Variants in PIEZO2 observed in about 807,000 individuals in gnomAD.
PIEZO2 encodes the protein piezo-type mechanosensitive ion channel component 2.
In PIEZO2, 172 loss-of-function variants were observed where a neutral mutation model predicts 337.3. The ratio of observed to expected loss-of-function variants is 0.51; its 90% CI spans 0.45 to 0.58. The LOEUF (loss-of-function observed/expected upper bound fraction) is 0.58. Ranked by LOEUF, PIEZO2 falls within the 20% of genes least tolerant of loss-of-function variation. The pLI is 0.00. For missense variants in PIEZO2, 3,028 were observed against 3,391.3 expected, an observed-to-expected ratio of 0.89 and a Z score of 2.66; for synonymous variants, 1,251 against 1,228.5, an observed-to-expected ratio of 1.02 and a Z score of -0.38.
At chr18:10,938,469 C>T (rs2032524305) in intron 3 of PIEZO2, among the ~76,000 whole-genome samples, 1 of 152,186 alleles carries the variant, frequency 6.6e-6, no homozygotes, top group Non-Finnish European at 1.5e-5. Context: ...AGGAAAGGCT[C>T]ATAAATCAGT....
At chr18:11,108,729 T>G (rs1456732810) in intron 1 of PIEZO2, among the ~76,000 whole-genome samples, 1 of 151,840 alleles carries the variant, frequency 6.6e-6, no homozygotes, top group East Asian at 1.9e-4. Context: ...GTGGTGGGTC[T>G]GGTCTGTCTC....
chr18:10,791,926 C>T (rs1038706618), intron 13 of PIEZO2, among the ~76,000 whole-genome samples: 13 of 152,120 alleles, frequency 8.5e-5, no homozygotes, highest in Non-Finnish European at 1.9e-4. Flanking sequence ...AAATACAGTA[C>T]CTAACACACA....
chr18:11,076,056 G>C (rs1278051792), intron 1 of PIEZO2, among the ~76,000 whole-genome samples: 3 of 152,086 alleles, frequency 2.0e-5, no homozygotes, highest in Non-Finnish European at 4.4e-5. Flanking sequence ...AAAGTGCTGG[G>C]ATTACAGGCG....
intron 5 of PIEZO2, among the ~76,000 whole-genome samples, chr18:10,857,677 A>G (rs1306016895): frequency 1.3e-5 from 2 of 152,216 alleles, no homozygotes. Context: ...TTTGTTCACT[A>G]TTTCCATATT....
chr18:10,726,685 A>G lies in PIEZO2; in HGVS notation c.5029+4722T>C. ...AGACACCTCGCTGCCAAGTTAATTC[A>G]GCAAGGACCAGGTGTACCTGAACGG... On this transcript the variant is annotated intron_variant, in intron 36 of 55. Transcript: ENST00000674853. This position sits in a 1 kb window ranked among gnomAD's most constrained non-coding sequence, Gnocchi z 5.9. 7.0e-7 allele frequency: 1 copy of G among 1,424,726 alleles called. No individual in the cohort carries two copies. Among genetic ancestry groups the G allele is most frequent in the Non-Finnish European group, 9.7e-7 (1 of 1,030,216 alleles). 88.3% of individuals were successfully genotyped at this position (1,424,726 alleles called of 1,614,324 possible).
chr18:10,784,798 G>A lies in PIEZO2; in HGVS notation c.2478C>T (p.Asp826=). The change falls in exon 17 of 56, where the codon GAC becomes GAT. Residue 826 remains aspartate, a synonymous_variant. Coordinates refer to ENST00000674853, the MANE Select transcript of PIEZO2 (RefSeq NM_001378183.1). This position sits in a 1 kb window ranked among gnomAD's most constrained non-coding sequence, Gnocchi z 4.5. ...CAGTGGCTCACCTGTAGATGGTGTTGTCTTCTTTGCTGGGAATGGACTTGA... is the reference window on the plus strand; with the variant it reads ...CAGTGGCTCACCTGTAGATGGTGTTATCTTCTTTGCTGGGAATGGACTTGA... ...TDLKSIPSKE[D]NTIYSHAKVN... 6.5e-7 allele frequency: 1 copy of A among 1,536,920 alleles called. No homozygotes were observed. Among genetic ancestry groups the A allele is most frequent in the East Asian group, 2.4e-5 (1 of 40,888 alleles).
Position 10,993,019 on chromosome 18 carries a change from G to GCTGTTTGT in PIEZO2, c.161-13367_161-13360dup, listed in dbSNP as rs1464831010. Among the ~76,000 whole-genome samples the GCTGTTTGT allele has an allele frequency of 6.6e-5, 10 of 151,918 alleles. No individual in the cohort carries two copies. The highest frequency in any genetic ancestry group is 2.2e-4 in the African/African-American group (9 of 41,360). ...TGAATGTGAATTCATTCATGATTTG[G>GCTGTTTGT]CTGTTTGTCTGTTATTGGTGTATAG... On this transcript the variant is annotated intron_variant, in intron 2 of 55. Transcript: ENST00000674853. The surrounding 1 kb of genome is among the most constrained non-coding windows in gnomAD (Gnocchi z 5.0).
At position 10,707,695 on chromosome 18, in the gene PIEZO2, T is replaced by C. The variant is rs2035642046; in HGVS notation, c.5588+580A>G. Among the ~76,000 whole-genome samples, 1 of 152,226 alleles carries C rather than the reference T, an allele frequency of 6.6e-6. No homozygotes were observed. ...AAGCCACAGTATATTTTCCCCAAAATAAAAGTTATAGGCTACAAAGATGAT... is the reference window on the plus strand; with the variant it reads ...AAGCCACAGTATATTTTCCCCAAAACAAAAGTTATAGGCTACAAAGATGAT... On this transcript the variant is annotated intron_variant, in intron 40 of 55. Transcript: ENST00000674853. This position sits in a 1 kb window ranked among gnomAD's most constrained non-coding sequence, Gnocchi z 4.2.
chr18:10,893,365 T>C (rs1333387559), intron 4 of PIEZO2, among the ~76,000 whole-genome samples: 1 of 152,202 alleles, frequency 6.6e-6, no homozygotes, highest in Non-Finnish European at 1.5e-5. Flanking sequence ...CTCAGCGATG[T>C]GCAGGCAGGT....
intron 8 of PIEZO2, among the ~76,000 whole-genome samples, chr18:10,806,749 T>A (rs948207366): frequency 1.3e-5 from 2 of 152,224 alleles, no homozygotes; most frequent in African/African-American, 2.4e-5. Flanking sequence ...TCTAACCTCA[T>A]TTTCCTCATC....
chr18:11,125,335 T>C lies in PIEZO2; in HGVS notation c.64+23190A>G, dbSNP rs2040153794. On this transcript the variant is annotated intron_variant, in intron 1 of 55. Coordinates refer to ENST00000674853, the MANE Select transcript of PIEZO2 (RefSeq NM_001378183.1). This position sits in a 1 kb window ranked among gnomAD's most constrained non-coding sequence, Gnocchi z 4.4. ...GACAAAAGACAGTGCTGTTAAGTCA[T>C]CAGCATTGTTACAACACTTACAATG... Among the ~76,000 whole-genome samples, 1 of 152,250 alleles carries C rather than the reference T, an allele frequency of 6.6e-6. No individual in the cohort carries two copies.
intron 36 of PIEZO2, among the ~76,000 whole-genome samples, chr18:10,720,217 A>AAT (rs1567982930): frequency 1.6e-5 from 2 of 123,246 alleles, no homozygotes; most frequent in African/African-American, 6.7e-5. Context: ...TGTATATATG[A>AAT]ATATATGTGT....
In PIEZO2 at chr18:11,021,172, G is replaced by A. The variant is rs12605422; in HGVS notation, c.161-41512C>T. 0.011 allele frequency among the ~76,000 whole-genome samples: 1,645 copies of A among 152,144 alleles called. 97 individuals carry two copies. The East Asian group carries it at 0.14, about 13-fold the overall frequency. ...GAAAGAAACTCTAGTCATCTCCACC[G>A]GTTCTCCAAACCACACCATCTCAAC... On this transcript the variant is annotated intron_variant, in intron 2 of 55. Coordinates refer to ENST00000674853, the MANE Select transcript of PIEZO2 (RefSeq NM_001378183.1). The surrounding 1 kb of genome is among the most constrained non-coding windows in gnomAD (Gnocchi z 4.7).
At chr18:10,729,623 CAAAA>C (rs374976832) in intron 36 of PIEZO2, among the ~76,000 whole-genome samples, 3 of 124,758 alleles carry the variant, frequency 2.4e-5, no homozygotes, top group African/African-American at 3.0e-5. Context: ...GACTCTGTCT[CAAAA>C]AAAAAAAAAA....
At position 11,047,307 on chromosome 18, in the gene PIEZO2, G is replaced by A. The variant is rs138852990; in HGVS notation, c.160+18820C>T. Among the ~76,000 whole-genome samples the A allele has an allele frequency of 4.2e-3, 640 of 152,290 alleles. 6 individuals are homozygous for A. Among genetic ancestry groups the A allele is most frequent in the South Asian group, 0.013 (65 of 4,826 alleles). On this transcript the variant is annotated intron_variant, in intron 2 of 55. Coordinates refer to ENST00000674853, the MANE Select transcript of PIEZO2 (RefSeq NM_001378183.1). The surrounding 1 kb of genome is among the most constrained non-coding windows in gnomAD (Gnocchi z 7.2). Reference sequence around the variant, plus strand: ...TGACTGGCAAGTGGATGATTCACTGGGTGAGCATTCAGGAATAGCAGTGGG... The same window carrying A: ...TGACTGGCAAGTGGATGATTCACTGAGTGAGCATTCAGGAATAGCAGTGGG...
intron 54 of PIEZO2, among the ~76,000 whole-genome samples, chr18:10,674,095 GA>G (rs2033892132): frequency 6.6e-6 from 1 of 152,212 alleles, no homozygotes; most frequent in South Asian, 2.1e-4. Context: ...ATGGATCAAT[GA>G]AGAAGAGTAA....
chr18:10,898,707 C>T (rs1297520590), intron 4 of PIEZO2, among the ~76,000 whole-genome samples: 2 of 152,056 alleles, frequency 1.3e-5, no homozygotes. Flanking sequence ...AGGGCCATTA[C>T]CTTCCCAGGG....
chr18:10,963,284 A>C (rs75990241), intron 3 of PIEZO2, among the ~76,000 whole-genome samples: 1 of 144,364 alleles, frequency 6.9e-6, no homozygotes, highest in East Asian at 2.0e-4. Flanking sequence ...ATGTTGTCTC[A>C]AAAAAAAAAA....
chr18:11,136,417 G>A (rs909323776), intron 1 of PIEZO2, among the ~76,000 whole-genome samples: 2 of 152,194 alleles, frequency 1.3e-5, no homozygotes, highest in Admixed American at 6.5e-5. Flanking sequence ...CTTGTAATCT[G>A]ACCTTTCATC....
Sources: gnomAD v4.1 joint callset for allele counts (sites outside exome capture counted in the v4.1 genomes callset) on GRCh38, gnomAD v4.1.1 for gene constraint, Gnocchi (gnomAD v3.1) non-coding constraint, MANE v1.5 for transcripts, NCBI Gene and HGNC (gene_info 2026-07-23, HGNC 2026-07-21) for gene names.